Variants in DCDC1 observed in about 807,000 individuals in gnomAD.
DCDC1 encodes the protein doublecortin domain containing 1.
In DCDC1, 200 loss-of-function variants were observed where a neutral mutation model predicts 178.3. The ratio of observed to expected loss-of-function variants is 1.12; its 90% CI spans 1.00 to 1.26. DCDC1 has a LOEUF of 1.26. DCDC1 is among the 50% of genes most tolerant of loss of function. The pLI, the probability that DCDC1 is intolerant of heterozygous loss-of-function variation, is 0.00. For missense variants in DCDC1, 1,983 were observed against 1,749.2 expected (o/e 1.13, Z -2.38); for synonymous variants, 690 against 604.8 (o/e 1.14, Z -2.07).
chr11:31,309,438 G>A (rs561434242), intron 3 of DCDC1, among the ~76,000 whole-genome samples: 3 of 152,262 alleles, frequency 2.0e-5, no homozygotes, highest in East Asian at 3.9e-4. Flanking sequence ...TTTTGATAAC[G>A]GTGGTGAGTG....
rs560789060 is a variant in DCDC1, at chr11:30,968,405, A to C, written c.2592-15837T>G. On this transcript the variant is annotated intron_variant, in intron 20 of 38. Coordinates refer to ENST00000684477, the MANE Select transcript of DCDC1 (RefSeq NM_001387274.1). ...CAGTTTTGCTTTCTTCAGTTTCAGAAACAAGCGATCAACCACAGTCTGAAA... is the reference window on the plus strand; with the variant it reads ...CAGTTTTGCTTTCTTCAGTTTCAGACACAAGCGATCAACCACAGTCTGAAA... 4.6e-5 allele frequency among the ~76,000 whole-genome samples: 7 copies of C among 152,152 alleles called. No homozygotes were observed. In the South Asian group the frequency reaches 1.5e-3, roughly 32 times the overall value.
intron 38 of DCDC1, among the ~76,000 whole-genome samples, chr11:30,870,882 G>T (rs1299652739): frequency 6.6e-6 from 1 of 152,178 alleles, no homozygotes; most frequent in African/African-American, 2.4e-5. Flanking sequence ...TGATTCTATT[G>T]CTAATTTCAT....
At chr11:31,051,933 AAAAC>A (rs1261176014) in intron 20 of DCDC1, among the ~76,000 whole-genome samples, 1 of 152,168 alleles carries the variant, frequency 6.6e-6, no homozygotes. Context: ...GCAAAAACAA[AAAAC>A]AAACAAAAAA....
At chr11:30,904,810 T>A in intron 31 of DCDC1, 151 bp downstream of exon 31, 1 of 857,312 alleles carries the variant, frequency 1.2e-6, no homozygotes, top group East Asian at 2.6e-5. Flanking sequence ...AAAATGTCTT[T>A]AAGTAAACAG....
At chr11:31,210,443 T>C (rs1367123429) in intron 9 of DCDC1, among the ~76,000 whole-genome samples, 1 of 152,098 alleles carries the variant, frequency 6.6e-6, no homozygotes, top group Non-Finnish European at 1.5e-5. Flanking sequence ...CCGGGCACGG[T>C]GGCTCATGCC....
intron 38 of DCDC1, among the ~76,000 whole-genome samples, chr11:30,871,733 C>T (rs1402137725): frequency 1.3e-5 from 2 of 151,964 alleles, no homozygotes; most frequent in East Asian, 1.9e-4. Flanking sequence ...CCACTTGTTT[C>T]GCCTTCCAAT....
Position 30,881,302 on chromosome 11 carries a change from G to T in DCDC1, c.5089C>A (p.Gln1697Lys). Reference sequence around the variant, plus strand: ...ATTTTGAGACGAGAGGAGCAGTCTTGCAGCAGCTGAGACACAGAGGGACAG... The same window carrying T: ...ATTTTGAGACGAGAGGAGCAGTCTTTCAGCAGCTGAGACACAGAGGGACAG... The part of the protein sequence containing the change: ...AWGKTISELL[Q>K]DCSSRLKMTH... Residue 1697 changes from glutamine to lysine, a missense_variant, in exon 37 of 39, where the codon CAA becomes AAA. Transcript: ENST00000684477. 1 of 1,613,074 alleles carries T rather than the reference G, an allele frequency of 6.2e-7. No homozygotes were observed. Among genetic ancestry groups the T allele is most frequent in the Non-Finnish European group, 8.5e-7 (1 of 1,179,414 alleles).
At chr11:31,351,140 A>G (rs1341440778) in intron 1 of DCDC1, among the ~76,000 whole-genome samples, 1 of 152,122 alleles carries the variant, frequency 6.6e-6, no homozygotes, top group African/African-American at 2.4e-5. Flanking sequence ...AGAAGAATAA[A>G]TGTAATTATT....
At chr11:31,141,910 T>A (rs1020948679) in intron 9 of DCDC1, among the ~76,000 whole-genome samples, 2 of 152,088 alleles carry the variant, frequency 1.3e-5, no homozygotes, top group Non-Finnish European at 2.9e-5. Flanking sequence ...ACTGTGGGAG[T>A]CAGAGTTAGT....
intron 38 of DCDC1, among the ~76,000 whole-genome samples, chr11:30,872,533 C>T (rs1478193358): frequency 6.6e-6 from 1 of 152,124 alleles, no homozygotes; most frequent in Non-Finnish European, 1.5e-5. Flanking sequence ...TTTCAAATTA[C>T]TCATGTGGCT....
intron 2 of DCDC1, among the ~76,000 whole-genome samples, chr11:31,334,811 A>G (rs1178396898): frequency 1.3e-5 from 2 of 152,156 alleles, no homozygotes; most frequent in Non-Finnish European, 2.9e-5. Context: ...ATGAGGTGTC[A>G]GTTGGCCCCT....
chr11:31,217,432 A>C (rs1338022561), intron 9 of DCDC1, among the ~76,000 whole-genome samples: 2 of 152,222 alleles, frequency 1.3e-5, no homozygotes, highest in Admixed American at 6.5e-5. Context: ...TGTCATAGTA[A>C]GTTAAATCAC....
intron 1 of DCDC1, among the ~76,000 whole-genome samples, chr11:31,346,087 A>G (rs1281835355): frequency 6.6e-6 from 1 of 152,216 alleles, no homozygotes; most frequent in Non-Finnish European, 1.5e-5. Context: ...TCTTGCCATA[A>G]ACACTGAATC....
At chr11:31,210,258 A>G (rs1455006870) in intron 9 of DCDC1, among the ~76,000 whole-genome samples, 1 of 152,200 alleles carries the variant, frequency 6.6e-6, no homozygotes, top group Non-Finnish European at 1.5e-5. Flanking sequence ...AACCTTTTAC[A>G]TGGCTGAAGA....
chr11:31,102,451 G>A (rs1258528572), intron 14 of DCDC1, among the ~76,000 whole-genome samples, 169 bp from the exon 15 acceptor site: 2 of 152,136 alleles, frequency 1.3e-5, no homozygotes, highest in East Asian at 1.9e-4. Flanking sequence ...GGGGAATAAA[G>A]CTGTTATTTA....
intron 9 of DCDC1, among the ~76,000 whole-genome samples, chr11:31,204,746 C>T (rs963929649): frequency 6.6e-6 from 1 of 152,172 alleles, no homozygotes; most frequent in Non-Finnish European, 1.5e-5. Context: ...CGCTTGAACT[C>T]AGGAGGCGGA....
intron 20 of DCDC1, among the ~76,000 whole-genome samples, chr11:31,012,176 G>A (rs553874930): frequency 4.9e-4 from 75 of 152,258 alleles, no homozygotes; most frequent in African/African-American, 1.7e-3. Flanking sequence ...CTGCAGAACC[G>A]TAAGCGAATT....
intron 11 of DCDC1, among the ~76,000 whole-genome samples, chr11:31,119,618 A>T (rs1265120489): frequency 3.3e-5 from 5 of 152,230 alleles, no homozygotes; most frequent in Admixed American, 3.3e-4. Flanking sequence ...ATTGTTCCAT[A>T]GATTCCTAAA....
At chr11:31,127,169 G>A (rs553154704) in intron 11 of DCDC1, among the ~76,000 whole-genome samples, 2 of 152,234 alleles carry the variant, frequency 1.3e-5, no homozygotes, top group Middle Eastern at 3.4e-3. Context: ...TGACCATTGT[G>A]AAAAATTTGT....
Sources: gnomAD v4.1 joint callset for allele counts (sites outside exome capture counted in the v4.1 genomes callset) on GRCh38, gnomAD v4.1.1 for gene constraint, MANE v1.5 for transcripts, NCBI Gene and HGNC (gene_info 2026-07-23, HGNC 2026-07-21) for gene names.